PDK1: variants seen among roughly 807,000 people sequenced by gnomAD.
The protein encoded by PDK1 is [Pyruvate dehydrogenase (acetyl-transferring)] kinase isozyme 1, mitochondrial.
In PDK1, 39 loss-of-function variants were observed where a neutral mutation model predicts 54.2. That is an observed-to-expected ratio of 0.72 (90% CI 0.56 to 0.94). PDK1 has a LOEUF of 0.94. Ranked by LOEUF, PDK1 falls within the 40% of genes least tolerant of loss-of-function variation. PDK1 has a pLI of 0.00. For synonymous variants in PDK1, 221 were observed against 207.1 expected, an observed-to-expected ratio of 1.07 and a Z score of -0.58; for missense variants, 552 against 566.0, an observed-to-expected ratio of 0.98 and a Z score of 0.25.
intron 9 of PDK1, among the ~76,000 whole-genome samples, chr2:172,590,966 G>A (rs1387009923): frequency 2.0e-5 from 3 of 152,158 alleles, no homozygotes; most frequent in Non-Finnish European, 4.4e-5. Context: ...GGAATTGGGC[G>A]ATGACCGCTG....
chr2:172,722,166 A>T, the PDK1 span, among the ~76,000 whole-genome samples: 59 of 152,356 alleles, frequency 3.9e-4, no homozygotes, highest in African/African-American at 1.3e-3. Context: ...GTTTAAGAAG[A>T]CAGAGCCTCT....
At chr2:172,649,919 A>G in the PDK1 span, among the ~76,000 whole-genome samples, 78 of 152,326 alleles carry the variant, frequency 5.1e-4, no homozygotes, top group African/African-American at 1.7e-3. Context: ...ACTCTTCAGG[A>G]TATTATCCAG....
At position 172,587,348 on chromosome 2, in the gene PDK1, A is replaced by C. The variant is rs371298423; in HGVS notation, c.1056+960A>C. On this transcript the variant is annotated intron_variant, in intron 9 of 10. Transcript: ENST00000282077. ...TTCACGGAGAGTGTTACAGCTCATA[A>C]AGGCAGGGCGTCTGGAGTTGTTTGT... Among the ~76,000 whole-genome samples, 19 of 152,070 alleles carry C rather than the reference A, an allele frequency of 1.2e-4. No homozygotes were observed. In the South Asian group the frequency reaches 1.9e-3, roughly 15 times the overall value.
At chr2:172,643,918 G>A in the PDK1 span, among the ~76,000 whole-genome samples, 1 of 152,232 alleles carries the variant, frequency 6.6e-6, no homozygotes, top group African/African-American at 2.4e-5. Context: ...GCCTCCGTTA[G>A]CATTCTTGCC....
At chr2:172,641,041 GTCTC>G in the PDK1 span, among the ~76,000 whole-genome samples, 69 of 123,280 alleles carry the variant, frequency 5.6e-4, 1 homozygote, top group Admixed American at 4.2e-4. Context: ...TTCTCTTTCT[GTCTC>G]TCTCTTTCTT....
the PDK1 span, among the ~76,000 whole-genome samples, chr2:172,643,390 T>C: frequency 6.6e-6 from 1 of 152,186 alleles, no homozygotes; most frequent in Non-Finnish European, 1.5e-5. Flanking sequence ...ATACTCACCA[T>C]CAGTCCCAAG....
rs867792761 is a variant in PDK1 at position 172,584,200 on chromosome 2, G to A, written c.946-2078G>A. Among the ~76,000 whole-genome samples the A allele has an allele frequency of 4.0e-5, 6 of 151,752 alleles. No individual in the cohort carries two copies. The South Asian group carries it at 1.3e-3, about 32-fold the overall frequency. On this transcript the variant is annotated intron_variant, in intron 8 of 10. Coordinates refer to ENST00000282077, the MANE Select transcript of PDK1 (RefSeq NM_002610.5). ...GTTCTGTCTTTTTCTCCCTGAAAAT[G>A]AAAATTATACTGTTTTTTTCCTGTT...
chr2:172,628,109 C>T, the PDK1 span, among the ~76,000 whole-genome samples: 61 of 152,314 alleles, frequency 4.0e-4, no homozygotes, highest in African/African-American at 1.4e-3. Context: ...AGGCCAAAAC[C>T]AATGTGTAAC....
chr2:172,571,598 C>G (rs1405887163), intron 8 of PDK1, among the ~76,000 whole-genome samples: 2 of 152,082 alleles, frequency 1.3e-5, no homozygotes, highest in Non-Finnish European at 2.9e-5. Context: ...CTCAAAACAC[C>G]TGGCCTCAAG....
chr2:172,676,712 G>T, the PDK1 span, among the ~76,000 whole-genome samples: 18 of 152,336 alleles, frequency 1.2e-4, no homozygotes, highest in South Asian at 3.7e-3. Context: ...CATAAAGTTA[G>T]TTGATAAAGC....
chr2:172,574,523 T>C (rs1459039200), intron 8 of PDK1, among the ~76,000 whole-genome samples: 3 of 152,202 alleles, frequency 2.0e-5, no homozygotes, highest in Admixed American at 2.0e-4. Flanking sequence ...GTTAACAATA[T>C]TAACTCTTCT....
At chr2:172,578,775 A>ATTTTTT in intron 8 of PDK1, among the ~76,000 whole-genome samples, 1 of 150,428 alleles carries the variant, frequency 6.6e-6, no homozygotes, top group African/African-American at 2.4e-5. Context: ...TTAAGTTTGA[A>ATTTTTT]TTCTTTGTTG....
chr2:172,622,442 T>G, the PDK1 span, among the ~76,000 whole-genome samples: 2 of 148,772 alleles, frequency 1.3e-5, no homozygotes, highest in Non-Finnish European at 3.0e-5. Flanking sequence ...TGTTTATATC[T>G]CATATATTAT....
chr2:172,630,211 C>T, the PDK1 span, among the ~76,000 whole-genome samples: 3 of 152,142 alleles, frequency 2.0e-5, no homozygotes, highest in Non-Finnish European at 4.4e-5. Context: ...GGATCTTTTC[C>T]TAAAAACTAT....
the PDK1 span, among the ~76,000 whole-genome samples, chr2:172,643,619 G>T: frequency 1.3e-5 from 2 of 152,128 alleles, no homozygotes; most frequent in Non-Finnish European, 2.9e-5. Flanking sequence ...TAGACTCAAG[G>T]GGTGGCCAAG....
At chr2:172,571,405 C>T (rs938062808) in intron 8 of PDK1, among the ~76,000 whole-genome samples, 1 of 152,136 alleles carries the variant, frequency 6.6e-6, no homozygotes, top group Admixed American at 6.5e-5. Context: ...TTTCTGTCAC[C>T]CAGGCTGGAG....
chr2:172,674,315 T>C, the PDK1 span: 1 of 152,502 alleles, frequency 6.6e-6, no homozygotes, highest in East Asian at 1.9e-4. Flanking sequence ...CCAGGGCACG[T>C]TTCAAAGTCG....
rs756117185 is a variant in PDK1, at chr2:172,586,349, A to C, written c.1017A>C (p.Ala339=). 40 of 1,612,768 alleles carry C rather than the reference A, an allele frequency of 2.5e-5. No individual in the cohort carries two copies. The highest frequency in any genetic ancestry group is 3.2e-5 in the Non-Finnish European group (38 of 1,178,944). ...DRLFNYMYST[A]PRPRVETSRA... ...TTTTCAACTACATGTATTCAACTGC[A>C]CCAAGACCTCGTGTTGAGACCTCCC... The change falls in exon 9 of 11, where the codon GCA becomes GCC. Residue 339 remains alanine (A), a synonymous_variant. Coordinates refer to ENST00000282077, the MANE Select transcript of PDK1 (RefSeq NM_002610.5).
intron 8 of PDK1, among the ~76,000 whole-genome samples, chr2:172,574,693 A>G (rs1689481795): frequency 6.6e-6 from 1 of 152,146 alleles, no homozygotes; most frequent in African/African-American, 2.4e-5. Context: ...ATTGTAATGG[A>G]ATTGTTCTAT....
Sources: gnomAD v4.1 joint callset for allele counts (sites outside exome capture counted in the v4.1 genomes callset) on GRCh38, gnomAD v4.1.1 for gene constraint, MANE v1.5 for transcripts, NCBI Gene and HGNC (gene_info 2026-07-23, HGNC 2026-07-21) for gene names.